The following YIPF4 variants were observed in gnomAD, a reference collection of about 807,000 sequenced individuals.
YIPF4 encodes protein YIPF4.
YIPF4 carries 18 observed loss-of-function variants against 29.4 expected under a neutral mutation model. The ratio of observed to expected loss-of-function variants is 0.61; its 90% confidence interval spans 0.42 to 0.91. The LOEUF is 0.91. Ranked by LOEUF, YIPF4 falls within the 40% of genes least tolerant of loss-of-function variation. The pLI is 0.00. For synonymous variants in YIPF4, 115 were observed against 104.7 expected (o/e 1.10, Z -0.60); for missense variants, 279 against 282.7 (o/e 0.99, Z 0.09).
At chr2:32,285,068 C>G (rs962829739) in intron 1 of YIPF4, among the ~76,000 whole-genome samples, 4 of 152,028 alleles carry the variant, frequency 2.6e-5, no homozygotes, top group African/African-American at 9.7e-5. Context: ...AGTTTGTACA[C>G]CATTATAATC....
chr2:32,288,384 G>A (rs1470244938), intron 1 of YIPF4, among the ~76,000 whole-genome samples: 1 of 152,038 alleles, frequency 6.6e-6, no homozygotes, highest in Non-Finnish European at 1.5e-5. Context: ...TTAGATTAAG[G>A]ACTTTAAGTA....
chr2:32,312,569 G>C lies in YIPF4; in HGVS notation c.*6943G>C, dbSNP rs2031736009. 1 of 142,034 alleles carries C rather than the reference G, an allele frequency of 7.0e-6. No individual in the cohort carries two copies. The highest frequency in any genetic ancestry group is 2.7e-5 in the African/African-American group (1 of 37,690). The allele number at this position is 142,034 out of a possible 1,614,324, so 8.8% of individuals were successfully genotyped here. A position where few individuals can be genotyped will look rare whatever the true frequency, so the allele number is the denominator to read the frequency against. On this transcript the variant is annotated 3_prime_UTR_variant, in exon 6 of 6. Transcript: ENST00000238831. ...GGTGGCCTGAATAATAAAACATTGA[G>C]AAGAAACAGCCTTTGAATTTGGCAC... is the stretch of plus-strand genomic sequence containing the variant.
In YIPF4 at chr2:32,278,060, C is replaced by T. The variant is rs775744674; in HGVS notation, c.-96C>T. ...TGCACGTCGAGACTCGTAGGCCGCA[C>T]CGTAGGGCGAGCGTGCGGGTCGCCG... On this transcript the variant is annotated 5_prime_UTR_variant, in exon 1 of 6. Coordinates refer to ENST00000238831, the MANE Select transcript of YIPF4 (RefSeq NM_032312.4). 61 of 1,107,576 alleles carry T rather than the reference C, an allele frequency of 5.5e-5. No individual in the cohort carries two copies. The highest frequency in any genetic ancestry group is 1.1e-4 in the Admixed American group (4 of 37,692). The allele number at this position is 1,107,576 out of a possible 1,614,324, so 68.6% of individuals were successfully genotyped here.
At chr2:32,280,540 G>A (rs1170710124) in intron 1 of YIPF4, among the ~76,000 whole-genome samples, 5 of 150,094 alleles carry the variant, frequency 3.3e-5, no homozygotes, top group African/African-American at 9.9e-5. Flanking sequence ...CACCACGCGC[G>A]GCTAATTTTT....
Position 32,301,413 on chromosome 2 carries a change from G to A in YIPF4, c.515G>A (p.Gly172Glu). The A allele has an allele frequency of 6.2e-7, 1 of 1,613,562 alleles. No homozygotes were observed. The highest frequency in any genetic ancestry group is 8.5e-7 in the Non-Finnish European group (1 of 1,179,718). ...VAYGQVLGVI[G>E]YSLLPLIVIA... Reference sequence around the variant, plus strand: ...TATGGCCAAGTCCTTGGAGTTATAGGATATTCATTACTTCCTCTCATTGTA... The same window carrying A: ...TATGGCCAAGTCCTTGGAGTTATAGAATATTCATTACTTCCTCTCATTGTA... The change falls in exon 5 of 6, where the codon GGA becomes GAA. Residue 172 changes from glycine to glutamate, a missense_variant. Physicochemically the swap from Gly to Glu is moderately conservative, Grantham distance 98. Coordinates refer to ENST00000238831, the MANE Select transcript of YIPF4 (RefSeq NM_032312.4).
chr2:32,298,909 G>A (rs537995346), intron 4 of YIPF4, among the ~76,000 whole-genome samples: 47 of 150,824 alleles, frequency 3.1e-4, no homozygotes, highest in South Asian at 2.3e-3. Flanking sequence ...ATGGAGTCTC[G>A]CTCTGTCACC....
At position 32,309,275 on chromosome 2, in the gene YIPF4, A is replaced by C. The variant is rs1456260479; in HGVS notation, c.*3649A>C. 2.0e-5 allele frequency: 3 copies of C among 152,124 alleles called. No individual in the cohort carries two copies. The highest frequency in any genetic ancestry group is 4.4e-5 in the Non-Finnish European group (3 of 68,018). 9.4% of individuals were successfully genotyped at this position (152,124 alleles called of 1,614,324 possible). A position where few individuals can be genotyped will look rare whatever the true frequency, so the allele number is the denominator to read the frequency against. On this transcript the variant is annotated 3_prime_UTR_variant, in exon 6 of 6. Coordinates refer to ENST00000238831, the MANE Select transcript of YIPF4 (RefSeq NM_032312.4). ...GAACATTTTTGAGTGCCGATGTGAC[A>C]CTTTAAAGGAAATGTTCATTGGAGC...
rs1373927675 is a variant in YIPF4, at chr2:32,311,858, A to G, written c.*6232A>G. The stretch of plus-strand genomic sequence containing the variant: ...AATTTCTCATCTGGTGATAAAGGGA[A>G]AAAGATAATGTAAAAGCAGATTGCT... On this transcript the variant is annotated 3_prime_UTR_variant, in exon 6 of 6. Transcript: ENST00000238831. The G allele has an allele frequency of 3.3e-5, 5 of 152,238 alleles. No individual in the cohort carries two copies. Among genetic ancestry groups the G allele is most frequent in the South Asian group, 4.1e-4 (2 of 4,832 alleles). 9.4% of individuals were successfully genotyped at this position (152,238 alleles called of 1,614,324 possible). A position where few individuals can be genotyped will look rare whatever the true frequency, so the allele number is the denominator to read the frequency against.
rs1485889970 is a variant in YIPF4 at position 32,290,481 on chromosome 2, A to C, written c.80-2A>C. 1 of 1,512,452 alleles carries C rather than the reference A, an allele frequency of 6.6e-7. No individual in the cohort carries two copies. The highest frequency in any genetic ancestry group is 1.4e-5 in the African/African-American group (1 of 69,998). 93.7% of individuals were successfully genotyped at this position (1,512,452 alleles called of 1,614,324 possible). The stretch of plus-strand genomic sequence containing the variant: ...TATAGTTTTATCCTCTTTTCTCCTA[A>C]GATCTCAGTGGTTCAATAGCATCCC... On this transcript the variant is annotated splice_acceptor_variant, in intron 1 of 5. Transcript: ENST00000238831. LOFTEE classifies it high-confidence loss of function.
At chr2:32,297,759 G>T (rs560307224) in intron 3 of YIPF4, among the ~76,000 whole-genome samples, 2 of 152,232 alleles carry the variant, frequency 1.3e-5, no homozygotes, top group African/African-American at 4.8e-5. Flanking sequence ...CATTCCAGCA[G>T]ACAGCTTCAA....
chr2:32,287,545 G>C lies in YIPF4; in HGVS notation c.80-2938G>C, dbSNP rs543698479. Among the ~76,000 whole-genome samples the C allele has an allele frequency of 3.3e-5, 5 of 152,274 alleles. No individual in the cohort carries two copies. The South Asian group carries it at 1.0e-3, about 32-fold the overall frequency. ...CTTCTTTCACAGAAATCGGGAACTTGTCTAGGGGCAGATCAGTAGTAAATT... is the reference window on the plus strand; with the variant it reads ...CTTCTTTCACAGAAATCGGGAACTTCTCTAGGGGCAGATCAGTAGTAAATT... On this transcript the variant is annotated intron_variant, in intron 1 of 5. Transcript: ENST00000238831.
chr2:32,282,611 G>A (rs576344009), intron 1 of YIPF4, among the ~76,000 whole-genome samples: 6 of 151,918 alleles, frequency 3.9e-5, no homozygotes, highest in East Asian at 2.0e-4. Context: ...GTTTTGTATC[G>A]TTAGTAGACA....
At chr2:32,278,980 A>ATTTTT (rs61561911) in intron 1 of YIPF4, among the ~76,000 whole-genome samples, 1 of 146,690 alleles carries the variant, frequency 6.8e-6, no homozygotes, top group Non-Finnish European at 1.5e-5. Flanking sequence ...GTCATTTTCA[A>ATTTTT]TTTTTTTTTT....
rs758943825 is a variant in YIPF4, at chr2:32,312,647, T to C, written c.*7021T>C. The C allele has an allele frequency of 6.6e-6, 1 of 152,040 alleles. No individual in the cohort carries two copies. Among genetic ancestry groups the C allele is most frequent in the Non-Finnish European group, 1.5e-5 (1 of 68,012 alleles). The allele number at this position is 152,040 out of a possible 1,614,324, so 9.4% of individuals were successfully genotyped here. On this transcript the variant is annotated 3_prime_UTR_variant, in exon 6 of 6. Coordinates refer to ENST00000238831, the MANE Select transcript of YIPF4 (RefSeq NM_032312.4). ...AATCACATATTTATTAACCCCTTCC[T>C]GTATGAACCTAGTACTGTGCTGAGT...
At chr2:32,298,088 G>C (rs941693143) in intron 3 of YIPF4, 146 bp from the exon 4 acceptor site, 1 of 570,656 alleles carries the variant, frequency 1.8e-6, no homozygotes, top group Admixed American at 3.5e-5. Flanking sequence ...ATTAAGTTTT[G>C]GAGTAATACC....
At chr2:32,288,101 AACT>A (rs1191678555) in intron 1 of YIPF4, among the ~76,000 whole-genome samples, 3 of 152,020 alleles carry the variant, frequency 2.0e-5, no homozygotes, top group South Asian at 2.1e-4. Context: ...TAACATGTTA[AACT>A]ACTACTAATT....
At chr2:32,303,572 G>A (rs543726950) in intron 5 of YIPF4, among the ~76,000 whole-genome samples, 2 of 152,172 alleles carry the variant, frequency 1.3e-5, no homozygotes, top group Non-Finnish European at 2.9e-5. Flanking sequence ...GTTAGTCCTA[G>A]CTACTCAGGA....
intron 3 of YIPF4, among the ~76,000 whole-genome samples, chr2:32,294,493 G>A (rs62134046): frequency 1.6e-4 from 24 of 147,304 alleles, no homozygotes; most frequent in Admixed American, 4.7e-4. Context: ...GACGCTCCTC[G>A]CTTCCTAGAT....
intron 1 of YIPF4, 31 bp downstream of exon 1, chr2:32,278,265 C>T (rs899211073): frequency 1.8e-5 from 28 of 1,528,998 alleles, no homozygotes; most frequent in Non-Finnish European, 2.3e-5. Context: ...GGGCTATCAC[C>T]CGGAGGAAGC....
Sources: gnomAD v4.1 joint callset for allele counts (sites outside exome capture counted in the v4.1 genomes callset) on GRCh38, gnomAD v4.1.1 for gene constraint, MANE v1.5 for transcripts, NCBI Gene and HGNC (gene_info 2026-07-23, HGNC 2026-07-21) for gene names.